The following ERI2 variants were observed in gnomAD, a reference collection of about 807,000 sequenced individuals.
ERI2 encodes ERI1 exoribonuclease family member 2.
Under a neutral mutation model 46.8 loss-of-function variants are expected in ERI2, and 35 were observed. The ratio of observed to expected loss-of-function variants is 0.75; its 90% confidence interval spans 0.57 to 0.99. The LOEUF (loss-of-function observed/expected upper bound fraction) is 0.99, where lower values mean the gene tolerates loss of function less well. Among genes scored for constraint, ERI2 ranks in the 50% least tolerant of loss-of-function variants. ERI2 has a pLI of 0.00. For synonymous variants in ERI2, 224 were observed against 271.0 expected (o/e 0.83, Z 1.70); for missense variants, 695 against 796.2 (o/e 0.87, Z 1.53).
chr16:20,803,697 G>T, intron 1 of ERI2, 27 bp from the exon 2 acceptor site: 2 of 1,610,662 alleles, frequency 1.2e-6, no homozygotes, highest in Non-Finnish European at 1.7e-6. Context: ...ATCCAAATAT[G>T]ATCAATGAAC....
chr16:20,792,416 A>G, downstream of ERI2: 2 of 1,578,502 alleles, frequency 1.3e-6, no homozygotes, highest in East Asian at 4.5e-5. Context: ...AGTGAAACAG[A>G]ATTAACCAAA....
chr16:20,791,959 G>A, downstream of ERI2: 6 of 1,592,886 alleles, frequency 3.8e-6, no homozygotes, highest in Admixed American at 1.8e-5. Flanking sequence ...TTGACCAGAA[G>A]AGTTGGATTC....
intron 7 of ERI2, 142 bp from the exon 8 acceptor site, chr16:20,799,493 A>G: frequency 1.3e-6 from 1 of 751,106 alleles, no homozygotes. Flanking sequence ...ACTAATTTTA[A>G]TCATGATAAA....
chr16:20,801,369 G>C lies in ERI2; in HGVS notation c.304-10C>G, dbSNP rs1420303932. On this transcript the variant is annotated splice_polypyrimidine_tract_variant and intron_variant, in intron 4 of 8. Coordinates refer to ENST00000357967, the MANE Select transcript of ERI2 (RefSeq NM_001142725.2). ...CTTCATCAACTTGAGCCTGAGTAGA[G>C]AGTCACAAAAGCTGAATTCAACAAT... 10 of 1,572,680 alleles carry C rather than the reference G, an allele frequency of 6.4e-6. No individual in the cohort carries two copies. Among genetic ancestry groups the C allele is most frequent in the South Asian group, 6.0e-5 (5 of 83,122 alleles).
chr16:20,788,670 C>T (rs926471327), intron 10 of ERI2, among the ~76,000 whole-genome samples: 4 of 152,116 alleles, frequency 2.6e-5, no homozygotes, highest in African/African-American at 9.7e-5. Flanking sequence ...TTTAAATACT[C>T]ATAATTTTCA....
chr16:20,792,126 CTGGG>C, downstream of ERI2: 1 of 1,614,116 alleles, frequency 6.2e-7, no homozygotes, highest in Non-Finnish European at 8.5e-7. Flanking sequence ...ATATTATCCT[CTGGG>C]TAACTTTCTT....
intron 10 of ERI2, among the ~76,000 whole-genome samples, chr16:20,788,826 C>T (rs2080530918): frequency 6.6e-6 from 1 of 152,130 alleles, no homozygotes; most frequent in Non-Finnish European, 1.5e-5. Flanking sequence ...TTCCTTCATA[C>T]CTGGAACCAC....
chr16:20,801,486 TGTACTG>T lies in ERI2; in HGVS notation c.304-133_304-128del. ...GAAATGCCAAGTCATGAAAACACAG[TGTACTG>T]TGGGAAGACATAACAAAGTGGTTCT... On this transcript the variant is annotated intron_variant, in intron 4 of 8. Coordinates refer to ENST00000357967, the MANE Select transcript of ERI2 (RefSeq NM_001142725.2). The T allele has an allele frequency of 1.4e-5, 15 of 1,035,736 alleles. No individual in the cohort carries two copies. In the South Asian group the frequency reaches 3.3e-4, roughly 23 times the overall value. The allele number at this position is 1,035,736 out of a possible 1,614,324, so 64.2% of individuals were successfully genotyped here. A position where few individuals can be genotyped will look rare whatever the true frequency, so the allele number is the denominator to read the frequency against.
At chr16:20,792,373 G>C (rs1298471948), downstream of ERI2, 1 of 1,610,160 alleles carries the variant, frequency 6.2e-7, no homozygotes, top group Non-Finnish European at 8.5e-7. Context: ...ATAATTTGTT[G>C]GCAATTTAAC....
In ERI2 at chr16:20,796,630, C is replaced by A; in HGVS notation, c.*1094G>T. The A allele has an allele frequency of 6.6e-7, 1 of 1,505,424 alleles. No individual in the cohort carries two copies. The highest frequency in any genetic ancestry group is 8.8e-7 in the Non-Finnish European group (1 of 1,135,968). 93.3% of individuals were successfully genotyped at this position (1,505,424 alleles called of 1,614,324 possible). The stretch of plus-strand genomic sequence containing the variant: ...GAACTGATGACATATGGGTAAGAAT[C>A]AGAATCTTTGAGATTAAAATGAAAC... On this transcript the variant is annotated 3_prime_UTR_variant, in exon 9 of 9. Transcript: ENST00000357967.
downstream of ERI2, chr16:20,792,035 G>A (rs763228128): frequency 4.3e-6 from 7 of 1,614,016 alleles, no homozygotes; most frequent in Admixed American, 1.2e-4. Context: ...AACTCTACGA[G>A]GCAATTTCTA....
At chr16:20,803,913 T>A (rs1371437289) in intron 1 of ERI2, among the ~76,000 whole-genome samples, 1 of 152,156 alleles carries the variant, frequency 6.6e-6, no homozygotes, top group East Asian at 1.9e-4. Context: ...AGTGCAGTGG[T>A]ATGATCACCA....
chr16:20,790,896 C>A lies in ERI2; in HGVS notation c.769G>T (p.Asp257Tyr). ...GCATGCTGGTCCCCTGAGGCCAGATCACTGTTCCAGGTCCACGAAGGCAAG... is the reference window on the plus strand; with the variant it reads ...GCATGCTGGTCCCCTGAGGCCAGATAACTGTTCCAGGTCCACGAAGGCAAG... The change falls in exon 9 of 11, where the codon GAT becomes TAT. Residue 257 changes from aspartate (D) to tyrosine (Y), a missense_variant. Physicochemically the swap from Asp to Tyr is radical, Grantham distance 160. Transcript: ENST00000300005. The surrounding 1 kb of genome is among the most constrained non-coding windows in gnomAD (Gnocchi z 4.0). 1 of 1,614,062 alleles carries A rather than the reference C, an allele frequency of 6.2e-7. No homozygotes were observed. Among genetic ancestry groups the A allele is most frequent in the Non-Finnish European group, 8.5e-7 (1 of 1,179,982 alleles).
chr16:20,792,152 CAT>C, downstream of ERI2: 1 of 1,614,066 alleles, frequency 6.2e-7, no homozygotes, highest in South Asian at 1.1e-5. Context: ...TCCATATGTG[CAT>C]ATGTCTGTGT....
chr16:20,802,602 G>A (rs1357340067), intron 4 of ERI2, among the ~76,000 whole-genome samples, 194 bp downstream of exon 4: 1 of 149,854 alleles, frequency 6.7e-6, no homozygotes, highest in Non-Finnish European at 1.5e-5. Context: ...TTTAGAGATG[G>A]GGTTCTCACT....
chr16:20,796,421 G>A lies in ERI2; in HGVS notation c.*1303C>T. On this transcript the variant is annotated 3_prime_UTR_variant, in exon 9 of 9. Coordinates refer to ENST00000357967, the MANE Select transcript of ERI2 (RefSeq NM_001142725.2). ...TCCTGATTACAAGTCACATGATCAA[G>A]AACAACTAATAAAGGAGATTCAGGA... 1 of 1,613,716 alleles carries A rather than the reference G, an allele frequency of 6.2e-7. No homozygotes were observed. Among genetic ancestry groups the A allele is most frequent in the African/African-American group, 1.3e-5 (1 of 74,970 alleles).
rs1036897488 is a variant in ERI2 at position 20,804,929 on chromosome 16, TAGA to T, written c.24-1262_24-1260del. On this transcript the variant is annotated intron_variant, in intron 1 of 8. Transcript: ENST00000357967. ...TTTAATCCTCAACAAGTGTAGTAGC[TAGA>T]AACTTTTCCTACCTATATTTTATGG... Among the ~76,000 whole-genome samples the T allele has an allele frequency of 5.9e-5, 9 of 152,344 alleles. No homozygotes were observed. In the South Asian group the frequency reaches 1.9e-3, roughly 32 times the overall value.
downstream of ERI2, chr16:20,792,708 G>A (rs1246370403): frequency 6.1e-6 from 6 of 985,308 alleles, no homozygotes; most frequent in African/African-American, 5.2e-5. Context: ...GAGGTCCCTG[G>A]TGTAGTGAAG....
chr16:20,791,112 T>C (rs541073564), intron 8 of ERI2, among the ~76,000 whole-genome samples: 19 of 152,246 alleles, frequency 1.2e-4, no homozygotes, highest in Non-Finnish European at 5.9e-5. Flanking sequence ...AGCTCCTTAC[T>C]GTTTACAACA....
Sources: allele counts gnomAD v4.1 joint callset (sites outside exome capture counted in the v4.1 genomes callset), GRCh38; gene constraint gnomAD v4.1.1; non-coding constraint Gnocchi (gnomAD v3.1); transcripts MANE v1.5; gene names NCBI Gene and HGNC (gene_info 2026-07-23, HGNC 2026-07-21).